The following DNAJC27 variants were observed in gnomAD, a reference collection of about 807,000 sequenced individuals.
DNAJC27 encodes the protein DnaJ heat shock protein family (Hsp40) member C27.
DNAJC27 carries 25 observed loss-of-function variants against 31.4 expected under a neutral mutation model. The observed-to-expected ratio is 0.80, with a 90% CI of 0.58 to 1.11. DNAJC27 has a LOEUF of 1.11. Among genes scored for constraint, DNAJC27 ranks in the 50% most tolerant of loss-of-function variants. The pLI is 0.00. For synonymous variants in DNAJC27, 106 were observed against 112.7 expected, an observed-to-expected ratio of 0.94 and a Z score of 0.37; for missense variants, 356 against 347.3, an observed-to-expected ratio of 1.02 and a Z score of -0.20.
rs1280105159 is a variant in DNAJC27 at position 24,945,318 on chromosome 2, C to T, written c.*2298G>A. 3 of 152,132 alleles carry T rather than the reference C, an allele frequency of 2.0e-5. 1 individual carries two copies. The highest frequency in any genetic ancestry group is 1.5e-5 in the Non-Finnish European group (1 of 68,024). 9.4% of individuals were successfully genotyped at this position (152,132 alleles called of 1,614,324 possible). ...AGGTGTTGGAAACTGAGTCTCAAGA[C>T]CTAAGAATCAAGCTCAGGCTAAATT... is the stretch of plus-strand genomic sequence containing the variant. On this transcript the variant is annotated 3_prime_UTR_variant, in exon 7 of 7. Transcript: ENST00000264711.
chr2:24,956,817 G>C (rs2149124797), intron 5 of DNAJC27, among the ~76,000 whole-genome samples: 1 of 152,266 alleles, frequency 6.6e-6, no homozygotes, highest in African/African-American at 2.4e-5. Flanking sequence ...GGTAATTCTG[G>C]TGATCAGCTA....
At chr2:24,971,686 C>G in intron 1 of DNAJC27, 132 bp downstream of exon 1, 1 of 707,598 alleles carries the variant, frequency 1.4e-6, no homozygotes, top group Non-Finnish European at 2.2e-6. Context: ...CCGCACCCCT[C>G]GGCTGAGACC....
intron 6 of DNAJC27, among the ~76,000 whole-genome samples, chr2:24,948,168 A>G (rs1286759683): frequency 6.6e-6 from 1 of 152,172 alleles, no homozygotes; most frequent in Non-Finnish European, 1.5e-5. Context: ...GAGCCCGAAC[A>G]CAGCACAGAC....
intron 5 of DNAJC27, among the ~76,000 whole-genome samples, chr2:24,956,338 T>C (rs1665904337): frequency 6.6e-6 from 1 of 152,252 alleles, no homozygotes; most frequent in Non-Finnish European, 1.5e-5. Context: ...CTTTATAAGT[T>C]ATTGTTTTAA....
chr2:24,960,958 G>C (rs1666025551), intron 3 of DNAJC27, among the ~76,000 whole-genome samples: 2 of 152,228 alleles, frequency 1.3e-5, no homozygotes, highest in Non-Finnish European at 2.9e-5. Flanking sequence ...CAAAGCAACA[G>C]ATTTTCAATG....
chr2:24,956,846 C>G, intron 5 of DNAJC27, among the ~76,000 whole-genome samples, 197 bp downstream of exon 5: 1 of 152,176 alleles, frequency 6.6e-6, no homozygotes, highest in East Asian at 1.9e-4. Flanking sequence ...CTAAAATAGA[C>G]AGCAGTCAGA....
chr2:24,957,100 C>T lies in DNAJC27; in HGVS notation c.471G>A (p.Gly157=), dbSNP rs891525566. 1.9e-6 allele frequency: 3 copies of T among 1,610,444 alleles called. No individual in the cohort carries two copies. Among genetic ancestry groups the T allele is most frequent in the Non-Finnish European group, 2.5e-6 (3 of 1,178,916 alleles). ...SEGRLWAESK[G]FLYFETSAQT... is the part of the protein sequence containing the mutation. ...GTGCTGAAGTTTCAAAGTACAGGAA[C>T]CCTTTGCTTTCAGCCCAAAGACGTC... The change falls in exon 5 of 7, where the codon GGG becomes GGA. Residue 157 remains glycine, a synonymous_variant. Transcript: ENST00000264711.
At position 24,947,636 on chromosome 2, in the gene DNAJC27, G is replaced by T; in HGVS notation, c.802C>A (p.Leu268Ile). 1 of 1,606,230 alleles carries T rather than the reference G, an allele frequency of 6.2e-7. No individual in the cohort carries two copies. Among genetic ancestry groups the T allele is most frequent in the Non-Finnish European group, 8.5e-7 (1 of 1,173,940 alleles). The change falls in exon 7 of 7, where the codon CTC becomes ATC. Residue 268 changes from leucine (L) to isoleucine (I), a missense_variant. Coordinates refer to ENST00000264711, the MANE Select transcript of DNAJC27 (RefSeq NM_016544.3). ...FKAVVNARTA[L>I]LKNIK is the part of the protein sequence containing the mutation. ...ACTTTCTACTTGATGTTTTTCAGGA[G>T]GGCTGTCCGAGCATTCACAACTGCT...
In DNAJC27 at chr2:24,957,989, A is replaced by G. The variant is rs1248751894; in HGVS notation, c.241-15T>C. On this transcript the variant is annotated splice_polypyrimidine_tract_variant and intron_variant, in intron 3 of 6. Transcript: ENST00000264711. ...TCATTTCGAACCTTCAAATAAAAGGACAGATACACAAAACGTAGTTTTTGT... is the reference window on the plus strand; with the variant it reads ...TCATTTCGAACCTTCAAATAAAAGGGCAGATACACAAAACGTAGTTTTTGT... 1 of 1,605,346 alleles carries G rather than the reference A, an allele frequency of 6.2e-7. No homozygotes were observed. Among genetic ancestry groups the G allele is most frequent in the Non-Finnish European group, 8.5e-7 (1 of 1,175,166 alleles).
Position 24,957,846 on chromosome 2 carries a change from G to A in DNAJC27, c.369C>T (p.Asn123=), listed in dbSNP as rs1665944683. 1.2e-6 allele frequency: 2 copies of A among 1,614,010 alleles called. No homozygotes were observed. The highest frequency in any genetic ancestry group is 2.7e-5 in the African/African-American group (2 of 74,930). The change falls in exon 4 of 7, where the codon AAC becomes AAT. Residue 123 remains asparagine (N), a synonymous_variant. Coordinates refer to ENST00000264711, the MANE Select transcript of DNAJC27 (RefSeq NM_016544.3). ...EMKQELGPHG[N]MENIIFVVCA... is the part of the protein sequence containing the mutation. ...AAACTACAAATATAATATTTTCCATGTTTCCATGAGGTCCAAGCTCTTGCT... is the reference window on the plus strand; with the variant it reads ...AAACTACAAATATAATATTTTCCATATTTCCATGAGGTCCAAGCTCTTGCT...
At chr2:24,966,554 G>A (rs865856929) in intron 2 of DNAJC27, among the ~76,000 whole-genome samples, 2 of 152,062 alleles carry the variant, frequency 1.3e-5, no homozygotes, top group Non-Finnish European at 2.9e-5. Flanking sequence ...TGCCTCCCGG[G>A]TTCAAGTGAT....
chr2:24,970,713 C>T (rs1229898126), intron 1 of DNAJC27, among the ~76,000 whole-genome samples: 1 of 151,928 alleles, frequency 6.6e-6, no homozygotes, highest in Non-Finnish European at 1.5e-5. Context: ...CCTCGTCCTC[C>T]CAAAGTGCTG....
At chr2:24,951,646 C>G in intron 5 of DNAJC27, 92 bp from the exon 6 acceptor site, 7 of 1,133,284 alleles carry the variant, frequency 6.2e-6, no homozygotes, top group Non-Finnish European at 8.6e-6. Flanking sequence ...TTAATATATT[C>G]CAGCAACTCT....
intron 1 of DNAJC27, among the ~76,000 whole-genome samples, chr2:24,968,228 G>A (rs1666238368): frequency 6.6e-6 from 1 of 151,926 alleles, no homozygotes; most frequent in Non-Finnish European, 1.5e-5. Flanking sequence ...ACTTTTTTAT[G>A]GTTACACAAT....
chr2:24,971,899 C>A lies in DNAJC27; in HGVS notation c.6G>T (p.Glu2Asp). The A allele has an allele frequency of 6.3e-7, 1 of 1,598,636 alleles. No individual in the cohort carries two copies. The change falls in exon 1 of 7, where the codon GAG becomes GAT. Residue 2 changes from glutamate (E) to aspartate (D), a missense_variant. Glu to Asp is a conservative substitution (Grantham distance 45). Transcript: ENST00000264711. MEANMPKRKEPG... is the reference protein window; with the variant it reads MDANMPKRKEPG... ...GCTCCTTCCGCTTCGGCATGTTGGC[C>A]TCCATGGCCCTGGCTCTCTCGGGGC...
At chr2:24,958,117 G>A in intron 3 of DNAJC27, 143 bp from the exon 4 acceptor site, 3 of 726,254 alleles carry the variant, frequency 4.1e-6, no homozygotes, top group Non-Finnish European at 6.5e-6. Flanking sequence ...GTCATTAGAG[G>A]GTTTTTTATA....
At chr2:24,950,045 C>T (rs1573107239) in intron 6 of DNAJC27, among the ~76,000 whole-genome samples, 3 of 146,950 alleles carry the variant, frequency 2.0e-5, no homozygotes, top group East Asian at 2.0e-4. Context: ...CTCACATTTT[C>T]GAATTTCAAA....
intron 2 of DNAJC27, among the ~76,000 whole-genome samples, chr2:24,966,539 A>C (rs967435075): frequency 6.6e-6 from 1 of 151,910 alleles, no homozygotes; most frequent in African/African-American, 2.4e-5. Context: ...GCTCACTGCA[A>C]CCTCTGCCTC....
chr2:24,951,305 A>G, intron 6 of DNAJC27, 89 bp downstream of exon 6: 1 of 1,291,656 alleles, frequency 7.7e-7, no homozygotes, highest in Non-Finnish European at 1.1e-6. Flanking sequence ...TTTCCAGCCA[A>G]CTGGAGGAAG....
Sources: allele counts gnomAD v4.1 joint callset (sites outside exome capture counted in the v4.1 genomes callset), GRCh38; gene constraint gnomAD v4.1.1; transcripts MANE v1.5; gene names NCBI Gene and HGNC (gene_info 2026-07-23, HGNC 2026-07-21).